The following DNAH11 variants were observed in gnomAD, a reference collection of about 807,000 sequenced individuals.
The protein encoded by DNAH11 is dynein axonemal heavy chain 11.
A neutral mutation model predicts 526.0 loss-of-function variants in DNAH11; 442 were observed. The observed-to-expected ratio is 0.84, with a 90% CI of 0.78 to 0.91. DNAH11 has a LOEUF of 0.91. Among genes scored for constraint, DNAH11 ranks in the 40% least tolerant of loss-of-function variants. The probability of loss-of-function intolerance (pLI) is 0.00; values close to 1 mark genes in which losing one functional copy is unlikely to be tolerated. For synonymous variants in DNAH11, 2,461 were observed against 1,935.9 expected, an observed-to-expected ratio of 1.27 and a Z score of -7.12; for missense variants, 6,989 against 5,448.7, an observed-to-expected ratio of 1.28 and a Z score of -8.90.
chr7:21,562,846 T>G (rs1244582742), intron 5 of DNAH11, among the ~76,000 whole-genome samples: 1 of 152,222 alleles, frequency 6.6e-6, no homozygotes, highest in South Asian at 2.1e-4. Flanking sequence ...CATAGACAGA[T>G]GAACTGGTTA....
chr7:21,857,022 G>GA, intron 68 of DNAH11, among the ~76,000 whole-genome samples: 1 of 152,176 alleles, frequency 6.6e-6, no homozygotes, highest in African/African-American at 2.4e-5. Flanking sequence ...AAAAGAAGAA[G>GA]AAAAACTGTG....
intron 69 of DNAH11, 27 bp downstream of exon 69, chr7:21,862,050 G>C (rs746737573): frequency 3.1e-5 from 49 of 1,591,086 alleles, no homozygotes; most frequent in Admixed American, 2.0e-4. Context: ...CTTGAAAAAG[G>C]ATCCCCAGAA....
At position 21,681,687 on chromosome 7, in the gene DNAH11, T is replaced by G; in HGVS notation, c.5460+10T>G. The G allele has an allele frequency of 1.2e-6, 2 of 1,613,750 alleles. No individual in the cohort carries two copies. The highest frequency in any genetic ancestry group is 1.7e-6 in the Non-Finnish European group (2 of 1,179,718). ...ACTTATTTCTCAGAAGGCAAGTTGT[T>G]TGTAGAAATTTTATGTATTCATTAT... On this transcript the variant is annotated intron_variant, in intron 31 of 81. Coordinates refer to ENST00000409508, the MANE Select transcript of DNAH11 (RefSeq NM_001277115.2).
chr7:21,709,056 C>T (rs1426062558), intron 40 of DNAH11, among the ~76,000 whole-genome samples: 1 of 152,156 alleles, frequency 6.6e-6, no homozygotes, highest in Admixed American at 6.5e-5. Flanking sequence ...TACCGTTTGA[C>T]CCAGCAATCC....
At chr7:21,828,154 G>A (rs1790388882) in intron 65 of DNAH11, among the ~76,000 whole-genome samples, 1 of 152,036 alleles carries the variant, frequency 6.6e-6, no homozygotes, top group South Asian at 2.1e-4. Context: ...TCACTATGTT[G>A]GTCAGGCTGG....
chr7:21,549,096 C>G (rs1782918472), intron 2 of DNAH11, among the ~76,000 whole-genome samples: 1 of 152,106 alleles, frequency 6.6e-6, no homozygotes, highest in African/African-American at 2.4e-5. Flanking sequence ...CCAGGCTGGT[C>G]TCGAACTCCT....
chr7:21,710,585 C>T lies in DNAH11; in HGVS notation c.6716C>T (p.Ser2239Leu), dbSNP rs1784427797. 1.9e-6 allele frequency: 3 copies of T among 1,612,206 alleles called. No individual in the cohort carries two copies. Among genetic ancestry groups the T allele is most frequent in the Non-Finnish European group, 2.5e-6 (3 of 1,178,800 alleles). ...TACTCTTATTTTATAGGTCTCTTCT[C>T]ATCCATTCTACGAGAACAAGCAAAT... ...IVYSYFIGLF[S>L]SILREQANLK... Residue 2239 changes from serine (S) to leucine (L), a missense_variant, in exon 41 of 82, where the codon TCA becomes TTA. Physicochemically the swap from Ser to Leu is moderately radical, Grantham distance 145. Transcript: ENST00000409508.
intron 42 of DNAH11, among the ~76,000 whole-genome samples, chr7:21,712,705 T>A (rs1784507245): frequency 1.3e-5 from 2 of 152,252 alleles, no homozygotes; most frequent in Admixed American, 1.3e-4. Flanking sequence ...TTAAGTTCTT[T>A]GCCCAGTTTT....
At chr7:21,853,709 G>A (rs1039243242) in intron 67 of DNAH11, among the ~76,000 whole-genome samples, 2 of 152,190 alleles carry the variant, frequency 1.3e-5, no homozygotes, top group Admixed American at 6.5e-5. Flanking sequence ...GTTGGTTGAT[G>A]GTGGTGCTGG....
intron 59 of DNAH11, among the ~76,000 whole-genome samples, chr7:21,787,084 T>C (rs1038099501): frequency 1.3e-5 from 2 of 152,172 alleles, no homozygotes; most frequent in Non-Finnish European, 2.9e-5. Flanking sequence ...ATGTTGCTAA[T>C]GTATAGGAAG....
intron 73 of DNAH11, among the ~76,000 whole-genome samples, chr7:21,870,671 G>T (rs942966003): frequency 3.3e-5 from 5 of 152,140 alleles, no homozygotes; most frequent in East Asian, 1.9e-4. Flanking sequence ...CATTACTTTT[G>T]TATCTGTGCT....
At chr7:21,663,898 G>A (rs1024193552) in intron 30 of DNAH11, among the ~76,000 whole-genome samples, 2 of 151,684 alleles carry the variant, frequency 1.3e-5, no homozygotes, top group Non-Finnish European at 2.9e-5. Flanking sequence ...AGAGATACAG[G>A]TGTCTCTTCA....
chr7:21,686,025 A>C (rs1489428063), intron 32 of DNAH11, among the ~76,000 whole-genome samples: 1 of 152,228 alleles, frequency 6.6e-6, no homozygotes, highest in South Asian at 2.1e-4. Flanking sequence ...GAAAATCTCT[A>C]CTACAAAAAG....
chr7:21,674,884 T>G (rs1043753320), intron 30 of DNAH11, among the ~76,000 whole-genome samples: 1 of 151,990 alleles, frequency 6.6e-6, no homozygotes, highest in Non-Finnish European at 1.5e-5. Context: ...AAAACCAACA[T>G]ACTTCACTAG....
At chr7:21,555,792 G>C (rs772021066) in intron 2 of DNAH11, among the ~76,000 whole-genome samples, 2 of 152,134 alleles carry the variant, frequency 1.3e-5, no homozygotes, top group African/African-American at 2.4e-5. Context: ...CAGGACGCCT[G>C]GATAGAGTGG....
chr7:21,567,172 C>G (rs867193556), intron 6 of DNAH11, among the ~76,000 whole-genome samples: 5 of 152,092 alleles, frequency 3.3e-5, no homozygotes, highest in African/African-American at 9.7e-5. Context: ...GACCTGTCAA[C>G]TTGGAGCATT....
At chr7:21,776,047 A>C (rs1454935909) in intron 56 of DNAH11, among the ~76,000 whole-genome samples, 1 of 152,194 alleles carries the variant, frequency 6.6e-6, no homozygotes, top group Non-Finnish European at 1.5e-5. Context: ...AGGAAAAAAG[A>C]AGAGGAGAGA....
At chr7:21,752,874 G>A (rs1467519670) in intron 54 of DNAH11, among the ~76,000 whole-genome samples, 1 of 151,892 alleles carries the variant, frequency 6.6e-6, no homozygotes, top group Non-Finnish European at 1.5e-5. Flanking sequence ...CACCACACTT[G>A]GCTAATTTTT....
chr7:21,769,094 C>G (rs1398153966), intron 55 of DNAH11, among the ~76,000 whole-genome samples: 3 of 152,074 alleles, frequency 2.0e-5, no homozygotes, highest in African/African-American at 4.8e-5. Flanking sequence ...GGAAAATAAT[C>G]CTCTTTCTAA....
Sources: gnomAD v4.1 joint callset for allele counts (sites outside exome capture counted in the v4.1 genomes callset) on GRCh38, gnomAD v4.1.1 for gene constraint, MANE v1.5 for transcripts, NCBI Gene and HGNC (gene_info 2026-07-23, HGNC 2026-07-21) for gene names.